Variants in F13A1 observed in about 807,000 individuals in gnomAD.
The protein encoded by F13A1 is coagulation factor XIII A chain, also known as FSF, A subunit.
Under a neutral mutation model 80.1 loss-of-function variants are expected in F13A1, and 47 were observed. The observed-to-expected ratio is 0.59, with a 90% CI of 0.46 to 0.75. F13A1 has a LOEUF of 0.75. Among genes scored for constraint, F13A1 ranks in the 30% least tolerant of loss-of-function variants. F13A1 has a pLI of 0.00. For missense variants in F13A1, 817 were observed against 930.4 expected (o/e 0.88, Z 1.59); for synonymous variants, 349 against 344.9 (o/e 1.01, Z -0.13).
At chr6:6,249,157 T>C (rs905570540) in intron 5 of F13A1, among the ~76,000 whole-genome samples, 6 of 152,196 alleles carry the variant, frequency 3.9e-5, no homozygotes, top group Non-Finnish European at 8.8e-5. Context: ...TAGTAAGAGA[T>C]TTTCCTGAAT....
intron 3 of F13A1, among the ~76,000 whole-genome samples, chr6:6,289,448 A>G (rs932735055): frequency 1.2e-4 from 18 of 152,244 alleles, no homozygotes; most frequent in Middle Eastern, 3.4e-3. Flanking sequence ...ACACACACAC[A>G]CACGCACACA....
In F13A1 at chr6:6,151,931, C is replaced by A. The variant is rs1187223613; in HGVS notation, c.1927G>T (p.Val643Phe). ...ACTGTCACAGTCATGTCAGAACCAA[C>A]TACCTGAGTGCCACGGACCTAAGAG... is the stretch of plus-strand genomic sequence containing the variant. ...IIIKVRGTQV[V>F]GSDMTVTVEF... is the part of the protein sequence containing the mutation. Residue 643 changes from valine (V) to phenylalanine (F), a missense_variant, in exon 14 of 15, where the codon GTT becomes TTT. Val to Phe is a conservative substitution (Grantham distance 50, BLOSUM62 -1). Transcript: ENST00000264870. 1 of 1,614,082 alleles carries A rather than the reference C, an allele frequency of 6.2e-7. No individual in the cohort carries two copies. Among genetic ancestry groups the A allele is most frequent in the Middle Eastern group, 1.6e-4 (1 of 6,062 alleles).
intron 5 of F13A1, among the ~76,000 whole-genome samples, chr6:6,249,609 T>C (rs1369160396): frequency 6.6e-6 from 1 of 152,168 alleles, no homozygotes; most frequent in Non-Finnish European, 1.5e-5. Flanking sequence ...TTGGGACACT[T>C]TTCCAGACCT....
chr6:6,157,045 G>A (rs1760490747), intron 13 of F13A1, among the ~76,000 whole-genome samples: 1 of 152,242 alleles, frequency 6.6e-6, no homozygotes, highest in Non-Finnish European at 1.5e-5. Flanking sequence ...TTAGTAAGTA[G>A]GGTAGGAGAG....
intron 11 of F13A1, among the ~76,000 whole-genome samples, chr6:6,178,253 T>G (rs1296835278): frequency 6.6e-6 from 1 of 152,046 alleles, no homozygotes; most frequent in African/African-American, 2.4e-5. Context: ...AATAACAGAA[T>G]TACTAGTAAT....
intron 13 of F13A1, among the ~76,000 whole-genome samples, chr6:6,153,126 T>G (rs1422846959): frequency 6.6e-6 from 1 of 152,260 alleles, no homozygotes; most frequent in Non-Finnish European, 1.5e-5. Flanking sequence ...AAATATTTAT[T>G]AAATTAAGTC....
At chr6:6,167,891 G>C (rs1409138057) in intron 12 of F13A1, among the ~76,000 whole-genome samples, 5 of 152,178 alleles carry the variant, frequency 3.3e-5, no homozygotes, top group African/African-American at 1.2e-4. Flanking sequence ...TAAAAGAAAT[G>C]CCATGGAAAA....
rs150559114 is a variant in F13A1 at position 6,231,401 on chromosome 6, A to G, written c.799-6541T>C. ...AAGGAAAAGGAATAAGAAAATATGA[A>G]CAAAGCCACCAAGAAGTCTGGGATT... On this transcript the variant is annotated intron_variant, in intron 6 of 14. Coordinates refer to ENST00000264870, the MANE Select transcript of F13A1 (RefSeq NM_000129.4). Among the ~76,000 whole-genome samples the G allele has an allele frequency of 5.4e-3, 819 of 152,254 alleles. 4 individuals are homozygous for G. The highest frequency in any genetic ancestry group is 6.4e-3 in the Non-Finnish European group (432 of 68,018).
chr6:6,197,944 C>T (rs956880672), intron 8 of F13A1, among the ~76,000 whole-genome samples: 1 of 84,972 alleles, frequency 1.2e-5, no homozygotes, highest in Non-Finnish European at 2.2e-5. Flanking sequence ...TGCTGACTAA[C>T]GAAACAACTT....
In F13A1 at chr6:6,266,643, A is replaced by T. The variant is rs1459101658; in HGVS notation, c.486T>A (p.Val162=). 4.3e-6 allele frequency: 7 copies of T among 1,614,232 alleles called. No homozygotes were observed. The highest frequency in any genetic ancestry group is 5.9e-6 in the Non-Finnish European group (7 of 1,180,042). ...GTACGCCATAGGGAGTCCAGACAGCAACATACATGCGGAATTTCCCCACAA... is the reference window on the plus strand; with the variant it reads ...GTACGCCATAGGGAGTCCAGACAGCTACATACATGCGGAATTTCCCCACAA... The part of the protein sequence containing the change: ...KCIVGKFRMY[V]AVWTPYGVLR... Residue 162 remains valine, a synonymous_variant, in exon 4 of 15, where the codon GTT becomes GTA. Transcript: ENST00000264870.
intron 13 of F13A1, among the ~76,000 whole-genome samples, chr6:6,156,878 TG>T (rs1217885131): frequency 1.3e-5 from 2 of 152,342 alleles, no homozygotes; most frequent in Non-Finnish European, 2.9e-5. Flanking sequence ...GCTACTGCAT[TG>T]GATGGAGCAG....
At chr6:6,302,841 A>G (rs1310797391) in intron 3 of F13A1, among the ~76,000 whole-genome samples, 3 of 152,240 alleles carry the variant, frequency 2.0e-5, no homozygotes, top group Non-Finnish European at 4.4e-5. Context: ...TATGTGGCAC[A>G]TAACTGTACA....
In F13A1 at chr6:6,191,310, C is replaced by G. The variant is rs114013554; in HGVS notation, c.1305+4487G>C. ...TGTCGGGCTGGTGGATAGATTGGTA[C>G]TACTTGTGAAAGCCCTACATTTACG... On this transcript the variant is annotated intron_variant, in intron 10 of 14. Transcript: ENST00000264870. 6.1e-3 allele frequency among the ~76,000 whole-genome samples: 925 copies of G among 152,306 alleles called. 6 individuals are homozygous for G. Among genetic ancestry groups the G allele is most frequent in the Admixed American group, 0.011 (176 of 15,306 alleles).
At chr6:6,183,497 A>G (rs1459546409) in intron 10 of F13A1, among the ~76,000 whole-genome samples, 1 of 152,178 alleles carries the variant, frequency 6.6e-6, no homozygotes, top group Non-Finnish European at 1.5e-5. Flanking sequence ...TCACCTGGAG[A>G]ACTTTAAACA....
intron 2 of F13A1, among the ~76,000 whole-genome samples, chr6:6,307,344 T>C (rs1274454914): frequency 1.3e-5 from 2 of 152,204 alleles, no homozygotes; most frequent in African/African-American, 4.8e-5. Flanking sequence ...GCACTTTCTT[T>C]CCATTATGCT....
chr6:6,206,783 G>C (rs536205356), intron 8 of F13A1, among the ~76,000 whole-genome samples: 21 of 151,536 alleles, frequency 1.4e-4, no homozygotes, highest in African/African-American at 1.5e-4. Context: ...TAATGTATGG[G>C]AGAAATGGAG....
At chr6:6,285,940 G>A (rs1758133979) in intron 3 of F13A1, among the ~76,000 whole-genome samples, 1 of 152,204 alleles carries the variant, frequency 6.6e-6, no homozygotes, top group African/African-American at 2.4e-5. Context: ...ACACTCAACT[G>A]GTAAGGAAAA....
chr6:6,148,772 T>A (rs1301302502), intron 14 of F13A1, among the ~76,000 whole-genome samples: 1 of 152,174 alleles, frequency 6.6e-6, no homozygotes, highest in East Asian at 1.9e-4. Context: ...TGTCATGATT[T>A]TTAGCCCAAG....
intron 6 of F13A1, among the ~76,000 whole-genome samples, chr6:6,232,993 A>T (rs551261445): frequency 2.0e-5 from 3 of 152,144 alleles, no homozygotes; most frequent in Admixed American, 2.0e-4. Flanking sequence ...AGGCCTACAG[A>T]AAAAAGACCA....
Sources: allele counts gnomAD v4.1 joint callset (sites outside exome capture counted in the v4.1 genomes callset), GRCh38; gene constraint gnomAD v4.1.1; transcripts MANE v1.5; gene names NCBI Gene and HGNC (gene_info 2026-07-23, HGNC 2026-07-21).